The following SPPL3 variants were observed in gnomAD, a reference collection of about 807,000 sequenced individuals.
The protein encoded by SPPL3 is signal peptide peptidase-like 3.
In SPPL3, 5 loss-of-function variants were observed where a neutral mutation model predicts 42.4. The observed-to-expected ratio is 0.12, with a 90% CI of 0.06 to 0.25. The LOEUF (loss-of-function observed/expected upper bound fraction) is 0.25. Ranked by LOEUF, SPPL3 falls within the 10% of genes least tolerant of loss-of-function variation. The pLI, the probability that SPPL3 is intolerant of heterozygous loss-of-function variation, is 1.00. For synonymous variants in SPPL3, 195 were observed against 181.8 expected (o/e 1.07, Z -0.58); for missense variants, 235 against 489.0 (o/e 0.48, Z 4.90).
intron 2 of SPPL3, among the ~76,000 whole-genome samples, chr12:120,806,333 G>A (rs908372194): frequency 2.0e-5 from 3 of 151,814 alleles, no homozygotes; most frequent in African/African-American, 7.3e-5. Flanking sequence ...GAGTCGCTGG[G>A]ATTACAGGTA....
chr12:120,893,087 T>G (rs1265565123), intron 1 of SPPL3, among the ~76,000 whole-genome samples: 1 of 151,976 alleles, frequency 6.6e-6, no homozygotes, highest in East Asian at 1.9e-4. Flanking sequence ...GAAATTCTCT[T>G]TACAACCCCT....
chr12:120,810,043 G>A (rs1484369857), intron 2 of SPPL3, among the ~76,000 whole-genome samples: 2 of 151,746 alleles, frequency 1.3e-5, no homozygotes, highest in Non-Finnish European at 2.9e-5. Flanking sequence ...TGTGATCATA[G>A]CTTATTGTAT....
At chr12:120,805,113 A>G (rs1162329480) in intron 2 of SPPL3, among the ~76,000 whole-genome samples, 2 of 152,176 alleles carry the variant, frequency 1.3e-5, no homozygotes, top group East Asian at 3.9e-4. Context: ...ACTGGTACAA[A>G]TTTTCTTTTG....
chr12:120,848,800 T>G (rs1441716394), intron 1 of SPPL3, among the ~76,000 whole-genome samples: 1 of 152,194 alleles, frequency 6.6e-6, no homozygotes, highest in African/African-American at 2.4e-5. Context: ...ATACCTAATG[T>G]GTAAGAAAAT....
chr12:120,808,993 T>C (rs1870592105), intron 2 of SPPL3, among the ~76,000 whole-genome samples: 1 of 152,178 alleles, frequency 6.6e-6, no homozygotes, highest in Non-Finnish European at 1.5e-5. Context: ...GTTCCTCTGG[T>C]TTGATTAATG....
intron 1 of SPPL3, chr12:120,845,512 TG>T: frequency 2.3e-6 from 1 of 443,612 alleles, no homozygotes; most frequent in Non-Finnish European, 4.4e-6. Flanking sequence ...AAGCCTATGG[TG>T]GGAATGGTGG....
chr12:120,828,577 T>C (rs1320253411), intron 1 of SPPL3, among the ~76,000 whole-genome samples: 1 of 152,028 alleles, frequency 6.6e-6, no homozygotes, highest in Non-Finnish European at 1.5e-5. Context: ...GCTAAAACAA[T>C]CTTGGGGAAA....
At chr12:120,901,317 G>A (rs1281583630) in intron 1 of SPPL3, among the ~76,000 whole-genome samples, 10 of 152,138 alleles carry the variant, frequency 6.6e-5, no homozygotes, top group Non-Finnish European at 1.5e-4. Context: ...CTGTGGCCGG[G>A]CACGGTGGTT....
intron 1 of SPPL3, among the ~76,000 whole-genome samples, chr12:120,883,921 GAGAAACC>G (rs1873367226): frequency 6.6e-6 from 1 of 151,314 alleles, no homozygotes. Context: ...GATCAACATG[GAGAAACC>G]CTGTCTCTAT....
At chr12:120,805,402 T>C (rs1211608386) in intron 2 of SPPL3, among the ~76,000 whole-genome samples, 1 of 152,188 alleles carries the variant, frequency 6.6e-6, no homozygotes, top group Non-Finnish European at 1.5e-5. Flanking sequence ...AGGGCATTTA[T>C]GAAAAATGTA....
rs1237020864 is a variant in SPPL3, at chr12:120,766,253, C to T, written c.1083+10G>A. On this transcript the variant is annotated intron_variant, in intron 10 of 10. Transcript: ENST00000353487. ...TATTGCTTTCACAGGTTTATAACTG[C>T]TGCTCTCACCTTTAAATAGGCCATC... The T allele has an allele frequency of 6.4e-7, 1 of 1,563,116 alleles. No homozygotes were observed. Among genetic ancestry groups the T allele is most frequent in the East Asian group, 2.3e-5 (1 of 43,134 alleles).
chr12:120,794,054 C>T (rs1391390223), intron 2 of SPPL3, among the ~76,000 whole-genome samples: 1 of 152,076 alleles, frequency 6.6e-6, no homozygotes, highest in Non-Finnish European at 1.5e-5. Context: ...TCAGTTTTTG[C>T]TTCATGTATT....
intron 1 of SPPL3, among the ~76,000 whole-genome samples, chr12:120,851,688 T>C (rs1299401103): frequency 1.3e-5 from 2 of 152,098 alleles, no homozygotes; most frequent in Non-Finnish European, 2.9e-5. Context: ...ACTGGAGCCT[T>C]GACCTCCCCG....
At chr12:120,901,590 T>TAAAAAA (rs754148484) in intron 1 of SPPL3, among the ~76,000 whole-genome samples, 1 of 103,448 alleles carries the variant, frequency 9.7e-6, no homozygotes, top group Admixed American at 1.2e-4. Flanking sequence ...GACTCCGTCC[T>TAAAAAA]AAAAAAAAAA....
At chr12:120,848,547 G>C (rs1872121041) in intron 1 of SPPL3, among the ~76,000 whole-genome samples, 1 of 152,176 alleles carries the variant, frequency 6.6e-6, no homozygotes, top group South Asian at 2.1e-4. Context: ...CCACACCCCA[G>C]AAAGTGCTAG....
chr12:120,797,821 G>A (rs1161967735), intron 2 of SPPL3, among the ~76,000 whole-genome samples: 1 of 152,038 alleles, frequency 6.6e-6, no homozygotes, highest in Non-Finnish European at 1.5e-5. Context: ...TCTTAACTTC[G>A]TAGTTTCCCA....
intron 1 of SPPL3, among the ~76,000 whole-genome samples, chr12:120,886,700 C>T (rs1299525377): frequency 6.6e-6 from 1 of 152,136 alleles, no homozygotes; most frequent in Non-Finnish European, 1.5e-5. Flanking sequence ...GAAAGAAAAC[C>T]CGGCAGTAAC....
intron 2 of SPPL3, among the ~76,000 whole-genome samples, chr12:120,793,276 G>A (rs989322191): frequency 2.0e-5 from 3 of 152,218 alleles, no homozygotes; most frequent in African/African-American, 7.2e-5. Flanking sequence ...TTGAGAGGCT[G>A]AGGCAAGAGG....
intron 1 of SPPL3, among the ~76,000 whole-genome samples, chr12:120,854,254 T>C (rs963593599): frequency 6.6e-6 from 1 of 152,180 alleles, no homozygotes; most frequent in Admixed American, 6.5e-5. Flanking sequence ...GGGTTTACCA[T>C]GAAGCACCTA....
Sources: gnomAD v4.1 joint callset for allele counts (sites outside exome capture counted in the v4.1 genomes callset) on GRCh38, gnomAD v4.1.1 for gene constraint, MANE v1.5 for transcripts, NCBI Gene and HGNC (gene_info 2026-07-23, HGNC 2026-07-21) for gene names.